TEX9: variants seen among roughly 807,000 people sequenced by gnomAD.
The protein encoded by TEX9 is testis-expressed protein 9.
A neutral mutation model predicts 59.6 loss-of-function variants in TEX9; 74 were observed. The observed-to-expected ratio is 1.24, with a 90% CI of 1.03 to 1.51. TEX9 has a LOEUF of 1.51. Among genes scored for constraint, TEX9 ranks in the 40% most tolerant of loss-of-function variants. The probability of loss-of-function intolerance (pLI) is 0.00; values close to 1 mark genes in which losing one functional copy is unlikely to be tolerated. For synonymous variants in TEX9, 186 were observed against 152.2 expected, an observed-to-expected ratio of 1.22 and a Z score of -1.64; for missense variants, 522 against 447.8, an observed-to-expected ratio of 1.17 and a Z score of -1.49.
chr15:56,373,422 AATT>A lies in TEX9; in HGVS notation c.120-15_120-13del. ...TTTGTTAAGATCTTCAGTATATCCC[AATT>A]ATTTTCTGCTTTTAGGCGTTTAAAT... On this transcript the variant is annotated splice_polypyrimidine_tract_variant and intron_variant, in intron 2 of 12. Coordinates refer to ENST00000352903, the Ensembl canonical transcript of TEX9. 6.3e-7 allele frequency: 1 copy of A among 1,587,722 alleles called. No individual in the cohort carries two copies. Among genetic ancestry groups the A allele is most frequent in the African/African-American group, 1.4e-5 (1 of 73,008 alleles).
chr15:56,311,597 T>C (rs2045618500), intron 1 of TEX9, among the ~76,000 whole-genome samples: 1 of 147,178 alleles, frequency 6.8e-6, no homozygotes, highest in Admixed American at 6.8e-5. Context: ...AATGCCGCAA[T>C]AAACATACGT....
chr15:56,300,694 A>AGAGGGAGG (rs1316323235), intron 1 of TEX9, among the ~76,000 whole-genome samples: 34 of 57,058 alleles, frequency 6.0e-4, no homozygotes, highest in African/African-American at 1.7e-3. Context: ...GCAGAGAGAG[A>AGAGGGAGG]GAGAGAGAGA....
At chr15:56,386,034 C>G (rs2047946132) in intron 4 of TEX9, among the ~76,000 whole-genome samples, 1 of 151,960 alleles carries the variant, frequency 6.6e-6, no homozygotes, top group African/African-American at 2.4e-5. Flanking sequence ...TTACCAAAAC[C>G]TGGAAATAAT....
intron 2 of TEX9, among the ~76,000 whole-genome samples, chr15:56,370,546 C>T (rs886773117): frequency 5.3e-5 from 8 of 152,128 alleles, no homozygotes; most frequent in Non-Finnish European, 1.2e-4. Context: ...GCTTTTCCTT[C>T]TCAGCCCATT....
At chr15:56,258,548 A>G (rs1270292609) in intron 1 of TEX9, among the ~76,000 whole-genome samples, 1 of 151,932 alleles carries the variant, frequency 6.6e-6, no homozygotes, top group Non-Finnish European at 1.5e-5. Flanking sequence ...TTTTGTAGCA[A>G]TTGTGAATGG....
rs1229711181 is a variant in TEX9, at chr15:56,423,769, A to AT, written c.964-3830dup. ...TTTGTCTGTTCTGGTATATGATTAT[A>AT]TTTTTTCTTTATTATTTCAATCGTT... is the stretch of plus-strand genomic sequence containing the variant. On this transcript the variant is annotated intron_variant, in intron 10 of 12. Coordinates refer to ENST00000352903, the Ensembl canonical transcript of TEX9. Among the ~76,000 whole-genome samples, 7 of 152,132 alleles carry AT rather than the reference A, an allele frequency of 4.6e-5. No homozygotes were observed. The East Asian group carries it at 1.4e-3, about 29-fold the overall frequency.
intron 3 of TEX9, 148 bp from the exon 4 acceptor site, chr15:56,383,803 CA>C: frequency 1.8e-6 from 1 of 542,672 alleles, no homozygotes; most frequent in East Asian, 3.1e-5. Context: ...ACCTTATCTT[CA>C]TACTATAGCA....
chr15:56,265,330 C>CT (rs1313947582), intron 1 of TEX9, among the ~76,000 whole-genome samples: 14 of 150,614 alleles, frequency 9.3e-5, no homozygotes, highest in Admixed American at 2.0e-4. Context: ...CCAGGCCCAG[C>CT]TTTTTTTTTA....
At chr15:56,251,927 C>G (rs2044031044) in intron 1 of TEX9, among the ~76,000 whole-genome samples, 1 of 152,124 alleles carries the variant, frequency 6.6e-6, no homozygotes, top group Non-Finnish European at 1.5e-5. Context: ...GGCTCCAGTG[C>G]AGCTCTAGCA....
chr15:56,350,680 C>G (rs1377637444), intron 1 of TEX9, among the ~76,000 whole-genome samples: 3 of 152,142 alleles, frequency 2.0e-5, no homozygotes, highest in African/African-American at 7.2e-5. Context: ...CAATCCTGGT[C>G]CCATAAATAT....
intron 12 of TEX9, among the ~76,000 whole-genome samples, chr15:56,436,174 C>CA (rs1286054812): frequency 6.6e-6 from 1 of 152,122 alleles, no homozygotes; most frequent in Non-Finnish European, 1.5e-5. Context: ...CACCACACCG[C>CA]ACTTATTCCA....
chr15:56,358,568 A>G (rs892866214), intron 1 of TEX9, among the ~76,000 whole-genome samples: 8 of 152,156 alleles, frequency 5.3e-5, no homozygotes, highest in African/African-American at 1.9e-4. Context: ...ATATGGTTAA[A>G]TTGTTGAAAT....
chr15:56,321,878 A>G (rs1348044777), intron 1 of TEX9, among the ~76,000 whole-genome samples: 3 of 152,058 alleles, frequency 2.0e-5, no homozygotes, highest in African/African-American at 7.2e-5. Flanking sequence ...TAAAAACAAT[A>G]GAGATGGAGA....
intron 10 of TEX9, among the ~76,000 whole-genome samples, chr15:56,425,842 C>A (rs1384533367): frequency 2.0e-5 from 3 of 152,100 alleles, no homozygotes; most frequent in Non-Finnish European, 2.9e-5. Context: ...CCCAGTCTTG[C>A]AGACTGGCTG....
the TEX9 span, among the ~76,000 whole-genome samples, chr15:56,455,247 GAAAAAAAA>G: frequency 2.4e-5 from 2 of 82,914 alleles, no homozygotes; most frequent in African/African-American, 9.6e-5. Flanking sequence ...ATCGTCAGGT[GAAAAAAAA>G]AAAAAAAAAA....
intron 12 of TEX9, chr15:56,443,767 C>CT (rs761116738): frequency 2.5e-6 from 4 of 1,613,014 alleles, no homozygotes; most frequent in Non-Finnish European, 3.4e-6. Context: ...CCTCACGTTT[C>CT]TTTTTTCTCC....
intron 1 of TEX9, among the ~76,000 whole-genome samples, chr15:56,325,642 G>T (rs2046005162): frequency 6.6e-6 from 1 of 152,062 alleles, no homozygotes; most frequent in Admixed American, 6.5e-5. Flanking sequence ...GATATGTGTT[G>T]TTTCCTTTTG....
intron 1 of TEX9, among the ~76,000 whole-genome samples, chr15:56,328,036 C>T (rs1180246747): frequency 6.6e-6 from 1 of 151,976 alleles, no homozygotes. Context: ...TGCCACCCCT[C>T]CCCCAACCCC....
At chr15:56,249,765 AAAAG>A (rs1234336369) in intron 1 of TEX9, among the ~76,000 whole-genome samples, 2 of 151,142 alleles carry the variant, frequency 1.3e-5, no homozygotes, top group East Asian at 3.9e-4. Flanking sequence ...AAAAAAAAAA[AAAAG>A]AGGAAAGAAG....
Sources: allele counts gnomAD v4.1 joint callset (sites outside exome capture counted in the v4.1 genomes callset), GRCh38; gene constraint gnomAD v4.1.1; transcripts MANE v1.5; gene names NCBI Gene and HGNC (gene_info 2026-07-23, HGNC 2026-07-21).